The following COG7 variants were observed in gnomAD, a reference collection of about 807,000 sequenced individuals.
The protein encoded by COG7 is conserved oligomeric Golgi complex subunit 7.
A neutral mutation model predicts 91.5 loss-of-function variants in COG7; 49 were observed. That is an observed-to-expected ratio of 0.54 (90% CI 0.43 to 0.68). The LOEUF is 0.68. Ranked by LOEUF, COG7 falls within the 30% of genes least tolerant of loss-of-function variation. The pLI is 0.00. For missense variants in COG7, 895 were observed against 961.3 expected (o/e 0.93, Z 0.91); for synonymous variants, 365 against 388.7 (o/e 0.94, Z 0.72).
Position 23,452,879 on chromosome 16 carries a change from G to T in COG7, c.116C>A (p.Thr39Asn). 1 of 1,613,984 alleles carries T rather than the reference G, an allele frequency of 6.2e-7. No homozygotes were observed. Among genetic ancestry groups the T allele is most frequent in the Non-Finnish European group, 8.5e-7 (1 of 1,179,988 alleles). The change falls in exon 1 of 17, where the codon ACC becomes AAC. Residue 39 changes from threonine to asparagine, a missense_variant. Thr to Asn is a moderately conservative substitution (Grantham distance 65). Coordinates refer to ENST00000307149, the MANE Select transcript of COG7 (RefSeq NM_153603.4). Reference protein sequence around the residue: ...ASGKADGHAATLVMKLQLFIQ... With the variant: ...ASGKADGHAANLVMKLQLFIQ... Reference sequence around the variant, plus strand: ...GAACAGCTGCAGCTTCATCACCAGGGTGGCTGCGTGGCCATCCGCCTTCCC... The same window carrying T: ...GAACAGCTGCAGCTTCATCACCAGGTTGGCTGCGTGGCCATCCGCCTTCCC...
At chr16:23,408,526 AC>A (rs1484708684) in intron 11 of COG7, among the ~76,000 whole-genome samples, 1 of 151,520 alleles carries the variant, frequency 6.6e-6, no homozygotes, top group Non-Finnish European at 1.5e-5. Context: ...GTTTCTTCTC[AC>A]GATTCTTTGT....
chr16:23,418,130 T>C (rs906604959), intron 8 of COG7, among the ~76,000 whole-genome samples: 3 of 152,324 alleles, frequency 2.0e-5, no homozygotes, highest in East Asian at 1.9e-4. Context: ...AGTAAGAAAT[T>C]AGTAAACCAG....
At chr16:23,420,707 C>T (rs1016757377) in intron 7 of COG7, among the ~76,000 whole-genome samples, 1 of 152,076 alleles carries the variant, frequency 6.6e-6, no homozygotes, top group African/African-American at 2.4e-5. Flanking sequence ...CAAATCTGCA[C>T]ATGTATAGAA....
intron 3 of COG7, among the ~76,000 whole-genome samples, chr16:23,444,077 A>C (rs2142095141): frequency 6.6e-6 from 1 of 151,778 alleles, no homozygotes; most frequent in East Asian, 1.9e-4. Flanking sequence ...ACTTGAACCC[A>C]GGAAGTGGAG....
chr16:23,410,248 T>C (rs2142070347), intron 11 of COG7, 47 bp downstream of exon 11: 2 of 1,531,982 alleles, frequency 1.3e-6, no homozygotes, highest in South Asian at 1.1e-5. Flanking sequence ...AAGCTCGTGC[T>C]GATCAGGAAC....
At chr16:23,399,483 C>T (rs531402023) in intron 13 of COG7, among the ~76,000 whole-genome samples, 33 of 152,268 alleles carry the variant, frequency 2.2e-4, no homozygotes, top group South Asian at 1.0e-3. Flanking sequence ...AGATTTGCTC[C>T]TTGCTCTCTA....
chr16:23,401,586 G>C (rs751020839), intron 13 of COG7, among the ~76,000 whole-genome samples: 1 of 152,152 alleles, frequency 6.6e-6, no homozygotes, highest in Non-Finnish European at 1.5e-5. Context: ...GGACAGGAGA[G>C]AGACAAAGAA....
chr16:23,440,962 C>T (rs1461409601), intron 4 of COG7, among the ~76,000 whole-genome samples: 1 of 151,190 alleles, frequency 6.6e-6, no homozygotes, highest in Non-Finnish European at 1.5e-5. Flanking sequence ...GGCAAACATC[C>T]AAAAGAGACC....
In COG7 at chr16:23,446,005, C is replaced by G; in HGVS notation, c.170-44G>C. 1.9e-6 allele frequency: 3 copies of G among 1,593,412 alleles called. No homozygotes were observed. The South Asian group carries it at 3.4e-5, about 18-fold the overall frequency. ...AAAAAAACAACAACAACAGCGATAG[C>G]CACAAAAGGTGAAAGTTGGACCAGC... On this transcript the variant is annotated intron_variant, in intron 1 of 16. Coordinates refer to ENST00000307149, the MANE Select transcript of COG7 (RefSeq NM_153603.4).
intron 11 of COG7, among the ~76,000 whole-genome samples, chr16:23,406,586 C>T (rs1963467529): frequency 6.6e-6 from 1 of 152,216 alleles, no homozygotes; most frequent in East Asian, 1.9e-4. Flanking sequence ...TCTATGGAGA[C>T]TTTTCTTGCT....
chr16:23,424,128 T>C (rs1228831678), intron 7 of COG7, among the ~76,000 whole-genome samples: 2 of 151,912 alleles, frequency 1.3e-5, no homozygotes, highest in African/African-American at 4.8e-5. Context: ...AGAAACCCAA[T>C]CTCTACTAAA....
In COG7 at chr16:23,404,317, T is replaced by C. The variant is rs551693784; in HGVS notation, c.1663-483A>G. On this transcript the variant is annotated intron_variant, in intron 12 of 16. Transcript: ENST00000307149. ...TACAACCTCCATGAGTCCCAAGGAA[T>C]TCCAAATAGCCTGAGAAAATAGAGA... 7.6e-4 allele frequency among the ~76,000 whole-genome samples: 116 copies of C among 152,372 alleles called. 1 individual carries two copies. Among genetic ancestry groups the C allele is most frequent in the Non-Finnish European group, 1.3e-3 (89 of 68,034 alleles).
At chr16:23,397,627 A>G (rs1404969240) in intron 14 of COG7, among the ~76,000 whole-genome samples, 2 of 152,176 alleles carry the variant, frequency 1.3e-5, no homozygotes, top group East Asian at 3.8e-4. Context: ...ACATGAAAGC[A>G]CTCCACACAG....
In COG7 at chr16:23,449,013, A is replaced by C. The variant is rs542750636; in HGVS notation, c.170-3052T>G. Among the ~76,000 whole-genome samples the C allele has an allele frequency of 5.9e-5, 9 of 152,322 alleles. No homozygotes were observed. In the South Asian group the frequency reaches 1.9e-3, roughly 32 times the overall value. ...ACATTAAGCATCACTGGGTCCTCCCACTGAATGTCTTATGTCTGAATGCCA... is the reference window on the plus strand; with the variant it reads ...ACATTAAGCATCACTGGGTCCTCCCCCTGAATGTCTTATGTCTGAATGCCA... On this transcript the variant is annotated intron_variant, in intron 1 of 16. Coordinates refer to ENST00000307149, the MANE Select transcript of COG7 (RefSeq NM_153603.4).
Position 23,403,839 on chromosome 16 carries a change from G to A in COG7, c.1663-5C>T, listed in dbSNP as rs1567331282. On this transcript the variant is annotated splice_region_variant and splice_polypyrimidine_tract_variant and intron_variant, in intron 12 of 16. Transcript: ENST00000307149. ...GTGGTTGCTTGACCCTTTTTCCTAA[G>A]ACAAGAAAATGCAAAAGGCAGTTGT... The A allele has an allele frequency of 6.2e-7, 1 of 1,614,176 alleles. No individual in the cohort carries two copies. The highest frequency in any genetic ancestry group is 8.5e-7 in the Non-Finnish European group (1 of 1,180,036).
chr16:23,390,958 C>T (rs150241582), intron 16 of COG7, among the ~76,000 whole-genome samples: 33 of 152,370 alleles, frequency 2.2e-4, no homozygotes, highest in Middle Eastern at 3.4e-3. Flanking sequence ...TTTTGTTTGG[C>T]GAGCAGTGTT....
At chr16:23,400,591 AG>A (rs1341992230) in intron 13 of COG7, among the ~76,000 whole-genome samples, 1 of 152,202 alleles carries the variant, frequency 6.6e-6, no homozygotes. Flanking sequence ...GAACAGGCAG[AG>A]GAGAGAGGGA....
intron 1 of COG7, among the ~76,000 whole-genome samples, chr16:23,449,928 T>C (rs377573660): frequency 3.9e-5 from 6 of 151,946 alleles, no homozygotes; most frequent in African/African-American, 1.5e-4. Context: ...ATATGTGCTA[T>C]TATATCATTA....
rs1031272256 is a variant in COG7 at position 23,388,497 on chromosome 16, A to G, written c.*423T>C. ...AAGAAGAAGGAAACAGTCTTCTTGC[A>G]TTTCACAGTAGTTATTTATTCCATT... is the stretch of plus-strand genomic sequence containing the variant. On this transcript the variant is annotated 3_prime_UTR_variant, in exon 17 of 17. Coordinates refer to ENST00000307149, the MANE Select transcript of COG7 (RefSeq NM_153603.4). 5 of 171,764 alleles carry G rather than the reference A, an allele frequency of 2.9e-5. No homozygotes were observed. The highest frequency in any genetic ancestry group is 9.6e-5 in the African/African-American group (4 of 41,572). The allele number at this position is 171,764 out of a possible 1,614,324, so 10.6% of individuals were successfully genotyped here.
Sources: gnomAD v4.1 joint callset for allele counts (sites outside exome capture counted in the v4.1 genomes callset) on GRCh38, gnomAD v4.1.1 for gene constraint, MANE v1.5 for transcripts, NCBI Gene and HGNC (gene_info 2026-07-23, HGNC 2026-07-21) for gene names.